Variants in HABP2 observed in about 807,000 individuals in gnomAD.
The protein encoded by HABP2 is hyaluronan binding protein 2, also known as factor VII-activating protease.
Under a neutral mutation model 66.5 loss-of-function variants are expected in HABP2, and 65 were observed. The ratio of observed to expected loss-of-function variants is 0.98; its 90% CI spans 0.80 to 1.20. HABP2 has a LOEUF of 1.20. HABP2 is among the 50% of genes most tolerant of loss of function. The pLI, the probability that HABP2 is intolerant of heterozygous loss-of-function variation, is 0.00. For synonymous variants in HABP2, 263 were observed against 253.9 expected, an observed-to-expected ratio of 1.04 and a Z score of -0.34; for missense variants, 786 against 691.0, an observed-to-expected ratio of 1.14 and a Z score of -1.54.
In HABP2 at chr10:113,588,267, G is replaced by T. The variant is rs909873520; in HGVS notation, c.1581G>T (p.Val527=). The T allele has an allele frequency of 2.5e-6, 4 of 1,613,734 alleles. No homozygotes were observed. The African/African-American group carries it at 5.3e-5, about 22-fold the overall frequency. The change falls in exon 13 of 13, where the codon GTG becomes GTT. Residue 527 remains valine, a synonymous_variant. Coordinates refer to ENST00000351270, the MANE Select transcript of HABP2 (RefSeq NM_004132.5). The part of the protein sequence containing the change: ...KDGTYYVYGI[V]SWGLECGKRP... ...GCACCTACTACGTCTATGGGATAGT[G>T]AGCTGGGGCCTGGAGTGTGGGAAGA...
At chr10:113,554,968 G>A (rs1346759074) in intron 1 of HABP2, among the ~76,000 whole-genome samples, 2 of 152,218 alleles carry the variant, frequency 1.3e-5, no homozygotes, top group Non-Finnish European at 2.9e-5. Flanking sequence ...AAGGCGGCTT[G>A]TGTTCCACAG....
Position 113,588,226 on chromosome 10 carries a change from A to G in HABP2, c.1540A>G (p.Thr514Ala). 6.2e-7 allele frequency: 1 copy of G among 1,611,066 alleles called. No homozygotes were observed. Among genetic ancestry groups the G allele is most frequent in the Non-Finnish European group, 8.5e-7 (1 of 1,178,592 alleles). The change falls in exon 13 of 13, where the codon ACC becomes GCC. Residue 514 changes from threonine (T) to alanine (A), a missense_variant. Thr to Ala is a moderately conservative substitution (Grantham distance 58). Transcript: ENST00000351270. ...TCQGDSGGPL[T>A]CEKDGTYYVY... ...TTAGGGTGACTCTGGAGGCCCCCTG[A>G]CCTGTGAGAAGGACGGCACCTACTA...
At chr10:113,582,381 C>G (rs1243842519) in intron 9 of HABP2, among the ~76,000 whole-genome samples, 1 of 152,220 alleles carries the variant, frequency 6.6e-6, no homozygotes, top group Non-Finnish European at 1.5e-5. Flanking sequence ...TGAGGAAGGT[C>G]AGGGATTTTT....
Position 113,588,090 on chromosome 10 carries a change from G to A in HABP2, c.1519-115G>A, listed in dbSNP as rs1032425784. 3.0e-5 allele frequency: 22 copies of A among 726,292 alleles called. 1 individual carries two copies. The highest frequency in any genetic ancestry group is 1.6e-4 in the African/African-American group (9 of 56,464). 45.0% of individuals were successfully genotyped at this position (726,292 alleles called of 1,614,324 possible). On this transcript the variant is annotated intron_variant, in intron 12 of 12. Coordinates refer to ENST00000351270, the MANE Select transcript of HABP2 (RefSeq NM_004132.5). ...GTCACTGCTTTCCAGAGAAGCCCAC[G>A]GAGGCTGGCAAGGGACTCCACCCCA...
At position 113,578,772 on chromosome 10, in the gene HABP2, T is replaced by C. The variant is rs1045130468; in HGVS notation, c.714T>C (p.His238=). ...TGTTTATGGAGGATGCTGAAACCCA[T>C]GGGATTGGGGAACACAATTTCTGCA... ...YNMFMEDAET[H]GIGEHNFCRN... The change falls in exon 7 of 13, where the codon CAT becomes CAC. Residue 238 remains histidine, a synonymous_variant. Coordinates refer to ENST00000351270, the MANE Select transcript of HABP2 (RefSeq NM_004132.5). 5 of 1,612,138 alleles carry C rather than the reference T, an allele frequency of 3.1e-6. No homozygotes were observed. The highest frequency in any genetic ancestry group is 4.2e-6 in the Non-Finnish European group (5 of 1,178,366).
intron 1 of HABP2, among the ~76,000 whole-genome samples, chr10:113,554,653 G>A (rs889068993): frequency 4.6e-5 from 7 of 152,132 alleles, no homozygotes; most frequent in South Asian, 2.1e-4. Flanking sequence ...AGAAATCATC[G>A]GAGGCCCACG....
At chr10:113,566,997 C>A (rs1845209682) in intron 1 of HABP2, among the ~76,000 whole-genome samples, 1 of 152,200 alleles carries the variant, frequency 6.6e-6, no homozygotes, top group African/African-American at 2.4e-5. Flanking sequence ...TCCCCAGGAA[C>A]TGTCACCTGA....
At position 113,588,467 on chromosome 10, in the gene HABP2, C is replaced by A; in HGVS notation, c.*98C>A. 1.2e-6 allele frequency: 1 copy of A among 861,840 alleles called. No individual in the cohort carries two copies. 53.4% of individuals were successfully genotyped at this position (861,840 alleles called of 1,614,324 possible). On this transcript the variant is annotated 3_prime_UTR_variant, in exon 13 of 13. Transcript: ENST00000351270. ...GGACACCTCCAGAGCCTCCAGGGGA[C>A]CACACAGTAGACTATCCCTACTCTA... is the stretch of plus-strand genomic sequence containing the variant.
chr10:113,581,753 T>G (rs892288236), intron 8 of HABP2, 123 bp from the exon 9 acceptor site: 1 of 880,052 alleles, frequency 1.1e-6, no homozygotes, highest in East Asian at 2.4e-5. Context: ...TCTGCACCAG[T>G]GCAGTCTCTC....
At chr10:113,586,592 G>C (rs1845641370) in intron 12 of HABP2, among the ~76,000 whole-genome samples, 1 of 151,914 alleles carries the variant, frequency 6.6e-6, no homozygotes. Context: ...GAGAGAGAAG[G>C]TGGTGGCTCC....
chr10:113,554,220 A>G (rs1844950431), intron 1 of HABP2, among the ~76,000 whole-genome samples: 2 of 152,198 alleles, frequency 1.3e-5, no homozygotes, highest in African/African-American at 4.8e-5. Context: ...CAACTTCTCC[A>G]TAAAAATCAG....
At chr10:113,569,746 C>T (rs542319941) in intron 2 of HABP2, 1 of 152,390 alleles carries the variant, frequency 6.6e-6, no homozygotes, top group African/African-American at 2.4e-5. Flanking sequence ...TGTCCTACTG[C>T]CTGCCAGCGA....
intron 2 of HABP2, chr10:113,572,526 C>T: frequency 4.3e-6 from 1 of 233,858 alleles, no homozygotes; most frequent in South Asian, 4.4e-5. Context: ...CAAGAAATAA[C>T]TAAGCAATGC....
intron 1 of HABP2, among the ~76,000 whole-genome samples, chr10:113,556,562 T>G (rs113058056): frequency 6.6e-6 from 1 of 151,918 alleles, no homozygotes; most frequent in Non-Finnish European, 1.5e-5. Context: ...AAATTTTTTT[T>G]AAATTAAGCG....
rs199727283 is a variant in HABP2 at position 113,578,152 on chromosome 10, G to T, written c.568+7G>T. The T allele has an allele frequency of 6.2e-7, 1 of 1,614,014 alleles. No homozygotes were observed. The highest frequency in any genetic ancestry group is 1.3e-5 in the African/African-American group (1 of 75,042). On this transcript the variant is annotated splice_region_variant and intron_variant, in intron 6 of 12. Coordinates refer to ENST00000351270, the MANE Select transcript of HABP2 (RefSeq NM_004132.5). ...GGGAAATTCTGTGAAATAGGTATGG[G>T]TCTCTGCCACCATCAGGGCCACAAG...
In HABP2 at chr10:113,584,193, C is replaced by A; in HGVS notation, c.1283C>A (p.Ser428Tyr). 6.2e-7 allele frequency: 1 copy of A among 1,613,468 alleles called. No individual in the cohort carries two copies. Among genetic ancestry groups the A allele is most frequent in the Non-Finnish European group, 8.5e-7 (1 of 1,179,376 alleles). The change falls in exon 11 of 13, where the codon TCC becomes TAC. Residue 428 changes from serine (S) to tyrosine (Y), a missense_variant. By Grantham distance (144) the Ser-to-Tyr change is moderately radical. Transcript: ENST00000351270. ...GTGGATGGTCACTGTGCTCTAGAAT[C>A]CAAATACGTGAAGACTGTGTGCTTG... ...KPVDGHCALE[S>Y]KYVKTVCLPD...
intron 1 of HABP2, among the ~76,000 whole-genome samples, chr10:113,555,042 G>A (rs887126107): frequency 7.9e-5 from 12 of 152,292 alleles, no homozygotes; most frequent in East Asian, 3.9e-4. Flanking sequence ...AGTTTGGGGC[G>A]TCATGGGGGT....
chr10:113,584,876 G>T (rs1311357637), intron 11 of HABP2, among the ~76,000 whole-genome samples: 1 of 152,118 alleles, frequency 6.6e-6, no homozygotes, highest in East Asian at 1.9e-4. Flanking sequence ...TTAGGATTTG[G>T]TCTAATTTTT....
chr10:113,588,828 T>C lies in HABP2; in HGVS notation c.*459T>C. 3 of 671,890 alleles carry C rather than the reference T, an allele frequency of 4.5e-6. No individual in the cohort carries two copies. In the South Asian group the frequency reaches 5.5e-5, roughly 12 times the overall value. The allele number at this position is 671,890 out of a possible 1,614,324, so 41.6% of individuals were successfully genotyped here. ...AGGACCACAAATACAACATTCTCCA[T>C]CTGCTTTCAGAGTTATTATTTTAAT... On this transcript the variant is annotated 3_prime_UTR_variant, in exon 13 of 13. Coordinates refer to ENST00000351270, the MANE Select transcript of HABP2 (RefSeq NM_004132.5).
Sources: allele counts gnomAD v4.1 joint callset (sites outside exome capture counted in the v4.1 genomes callset), GRCh38; gene constraint gnomAD v4.1.1; transcripts MANE v1.5; gene names NCBI Gene and HGNC (gene_info 2026-07-23, HGNC 2026-07-21).